The following DAB1 variants were observed in gnomAD, a reference collection of about 807,000 sequenced individuals.
DAB1 encodes disabled homolog 1.
In DAB1, 15 loss-of-function variants were observed where a neutral mutation model predicts 64.6. The ratio of observed to expected loss-of-function variants is 0.23; its 90% confidence interval spans 0.16 to 0.36. DAB1 has a LOEUF of 0.36. DAB1 is among the 10% of genes least tolerant of loss of function. The pLI, the probability that DAB1 is intolerant of heterozygous loss-of-function variation, is 1.00. For synonymous variants in DAB1, 235 were observed against 251.9 expected (o/e 0.93, Z 0.64); for missense variants, 596 against 706.7 (o/e 0.84, Z 1.78).
At chr1:57,126,743 G>C (rs577049838) in intron 4 of DAB1, among the ~76,000 whole-genome samples, 24 of 152,248 alleles carry the variant, frequency 1.6e-4, no homozygotes, top group Admixed American at 8.5e-4. Context: ...ATTCAGGCCT[G>C]CTAATGGCAA....
chr1:58,472,114 A>G (rs1314656153), intron 3 of DAB1, among the ~76,000 whole-genome samples: 1 of 152,192 alleles, frequency 6.6e-6, no homozygotes, highest in African/African-American at 2.4e-5. Context: ...CCCTCTGATC[A>G]TCTCTTTTCC....
intron 7 of DAB1, among the ~76,000 whole-genome samples, chr1:57,560,976 T>C (rs1645043497): frequency 6.6e-6 from 1 of 152,330 alleles, no homozygotes; most frequent in Non-Finnish European, 1.5e-5. Context: ...GAGTGCTTTC[T>C]GACCCATCTA....
Position 58,506,316 on chromosome 1 carries a change from T to C in DAB1, n.108-107A>G. The C allele has an allele frequency of 6.3e-6, 4 of 636,748 alleles. No homozygotes were observed. The South Asian group carries it at 9.2e-5, about 15-fold the overall frequency. The allele number at this position is 636,748 out of a possible 1,614,324, so 39.4% of individuals were successfully genotyped here. A position where few individuals can be genotyped will look rare whatever the true frequency, so the allele number is the denominator to read the frequency against. On this transcript the variant is annotated intron_variant and non_coding_transcript_variant, in intron 2 of 20. Transcript: ENST00000485760. ...TCTATTATAATTATACTTTAAGTTT[T>C]AGGGTACATGTGCACAACGTGCAGG...
intron 4 of DAB1, among the ~76,000 whole-genome samples, chr1:58,201,159 G>A (rs1228341897): frequency 6.6e-6 from 1 of 151,908 alleles, no homozygotes; most frequent in East Asian, 1.9e-4. Flanking sequence ...TGGGACTACA[G>A]GTGCCCGCCA....
intron 3 of DAB1, among the ~76,000 whole-genome samples, chr1:58,391,855 C>A (rs1165070443): frequency 6.6e-6 from 1 of 152,168 alleles, no homozygotes; most frequent in African/African-American, 2.4e-5. Flanking sequence ...CTGTGAATAT[C>A]CTAAAATATG....
At chr1:57,275,880 A>G (rs1671417161) in intron 2 of DAB1, among the ~76,000 whole-genome samples, 2 of 152,194 alleles carry the variant, frequency 1.3e-5, no homozygotes. Context: ...ATAGAAATGA[A>G]CCAACAACTG....
intron 1 of DAB1, among the ~76,000 whole-genome samples, chr1:57,361,798 A>C (rs1679574602): frequency 6.6e-6 from 1 of 152,176 alleles, no homozygotes; most frequent in Non-Finnish European, 1.5e-5. Flanking sequence ...GACCTGCAGA[A>C]TTATTGAAAT....
chr1:57,437,286 A>T (rs953064722), intron 7 of DAB1, among the ~76,000 whole-genome samples: 2 of 152,168 alleles, frequency 1.3e-5, no homozygotes, highest in African/African-American at 4.8e-5. Flanking sequence ...GCCAATGAAG[A>T]GGTCACAACT....
chr1:57,148,447 A>G (rs1659356137), intron 2 of DAB1, among the ~76,000 whole-genome samples: 1 of 152,266 alleles, frequency 6.6e-6, no homozygotes, highest in Middle Eastern at 3.2e-3. Flanking sequence ...ATCTTGAGCA[A>G]GGTCTCAGTT....
intron 1 of DAB1, among the ~76,000 whole-genome samples, chr1:57,314,759 A>G (rs1444645321): frequency 6.6e-6 from 1 of 151,654 alleles, no homozygotes; most frequent in Non-Finnish European, 1.5e-5. Flanking sequence ...CTCAGAAAAA[A>G]AAAACACAAA....
intron 5 of DAB1, among the ~76,000 whole-genome samples, chr1:57,991,845 C>CAAAAAAAAAA (rs56324635): frequency 1.7e-5 from 1 of 60,142 alleles, no homozygotes; most frequent in African/African-American, 7.0e-5. Context: ...GGCTCTGTCT[C>CAAAAAAAAAA]AAAAAAAAAA....
chr1:57,480,491 C>CT (rs150899061), intron 7 of DAB1, among the ~76,000 whole-genome samples: 38,086 of 146,694 alleles, frequency 0.26, 6,053 homozygotes, highest in African/African-American at 0.47. Context: ...GTGTAATTTT[C>CT]TTTTTTTTTT....
At chr1:57,253,689 G>A (rs471548) in intron 2 of DAB1, among the ~76,000 whole-genome samples, 90,310 of 151,964 alleles carry the variant, frequency 0.59, 27,034 homozygotes, top group Admixed American at 0.68. Context: ...ATATTTCTTG[G>A]TATGGTTAGT....
chr1:58,123,849 A>G (rs1320210311), intron 5 of DAB1, among the ~76,000 whole-genome samples: 1 of 152,206 alleles, frequency 6.6e-6, no homozygotes, highest in Non-Finnish European at 1.5e-5. Flanking sequence ...ATCATTTATA[A>G]GACTCAGGCT....
intron 2 of DAB1, among the ~76,000 whole-genome samples, chr1:57,219,031 C>T (rs1462801252): frequency 6.6e-6 from 1 of 152,152 alleles, no homozygotes; most frequent in Non-Finnish European, 1.5e-5. Context: ...GCAAACCACA[C>T]TAAACATTCC....
chr1:58,041,911 T>G (rs1345634228), intron 5 of DAB1, among the ~76,000 whole-genome samples: 2 of 152,258 alleles, frequency 1.3e-5, no homozygotes, highest in Non-Finnish European at 2.9e-5. Flanking sequence ...AAGAAAGGGC[T>G]TATCCCCAAC....
intron 4 of DAB1, among the ~76,000 whole-genome samples, chr1:58,253,630 T>A (rs1276383750): frequency 1.3e-5 from 2 of 152,224 alleles, no homozygotes; most frequent in Non-Finnish European, 2.9e-5. Flanking sequence ...TTCACAAGAA[T>A]CCTTGAAGGG....
At chr1:58,446,544 G>A (rs996835545) in intron 3 of DAB1, among the ~76,000 whole-genome samples, 1 of 152,148 alleles carries the variant, frequency 6.6e-6, no homozygotes, top group African/African-American at 2.4e-5. Context: ...TGGGGGTGGG[G>A]TGGTGGACAA....
At chr1:57,154,006 T>C (rs925657054) in intron 2 of DAB1, among the ~76,000 whole-genome samples, 2 of 152,230 alleles carry the variant, frequency 1.3e-5, no homozygotes, top group Non-Finnish European at 2.9e-5. Context: ...AATCACATCA[T>C]GGAGAATGGA....
Sources: allele counts gnomAD v4.1 joint callset (sites outside exome capture counted in the v4.1 genomes callset), GRCh38; gene constraint gnomAD v4.1.1; transcripts MANE v1.5; gene names NCBI Gene and HGNC (gene_info 2026-07-23, HGNC 2026-07-21).